Variants in TECPR1 observed in about 807,000 individuals in gnomAD.
The protein encoded by TECPR1 is tectonin beta-propeller repeat-containing protein 1.
Under a neutral mutation model 162.4 loss-of-function variants are expected in TECPR1, and 122 were observed. That is an observed-to-expected ratio of 0.75 (90% CI 0.65 to 0.87). The LOEUF (loss-of-function observed/expected upper bound fraction) is 0.87. TECPR1 is among the 40% of genes least tolerant of loss of function. The pLI is 0.00. For synonymous variants in TECPR1, 642 were observed against 670.6 expected (o/e 0.96, Z 0.66); for missense variants, 1,432 against 1,618.2 (o/e 0.88, Z 1.97).
At chr7:98,228,403 C>T in intron 16 of TECPR1, 1 of 402,082 alleles carries the variant, frequency 2.5e-6, no homozygotes, top group South Asian at 2.5e-5. Context: ...CCCACCTTGC[C>T]CTCCTACTTA....
intron 24 of TECPR1, 22 bp downstream of exon 24, chr7:98,217,914 G>C (rs769713156): frequency 6.5e-7 from 1 of 1,544,618 alleles, no homozygotes; most frequent in South Asian, 1.2e-5. Context: ...CCAAGTGCCC[G>C]ATACCCCCTG....
At chr7:98,249,098 AG>A (rs373410356) in intron 2 of TECPR1, among the ~76,000 whole-genome samples, 190 of 152,172 alleles carry the variant, frequency 1.2e-3, no homozygotes, top group African/African-American at 4.5e-3. Context: ...CACTTTGGCC[AG>A]GCTGGTCTCG....
intron 10 of TECPR1, among the ~76,000 whole-genome samples, chr7:98,234,887 A>G (rs1013397138): frequency 1.3e-5 from 2 of 151,582 alleles, no homozygotes; most frequent in African/African-American, 4.8e-5. Context: ...ATTTTTTAAA[A>G]AATTCTTGTA....
intron 21 of TECPR1, 31 bp from the exon 22 acceptor site, chr7:98,222,552 ACCAGGGCCCCCACCC>A (rs1313618193): frequency 6.4e-7 from 1 of 1,550,516 alleles, no homozygotes; most frequent in East Asian, 2.4e-5. Flanking sequence ...CGCTGAGGTC[ACCAGGGCCCCCACCC>A]CCAGGGCCCC....
In TECPR1 at chr7:98,230,951, G is replaced by T. The variant is rs776635068; in HGVS notation, c.2282+10C>A. On this transcript the variant is annotated intron_variant, in intron 15 of 25. Transcript: ENST00000447648. Reference sequence around the variant, plus strand: ...GGCCCCAGACCCCACCCAGAGTGCGGCTCACTCACATCTGGTCGCAGGGCA... The same window carrying T: ...GGCCCCAGACCCCACCCAGAGTGCGTCTCACTCACATCTGGTCGCAGGGCA... 2 of 1,608,224 alleles carry T rather than the reference G, an allele frequency of 1.2e-6. No homozygotes were observed. The highest frequency in any genetic ancestry group is 1.3e-5 in the African/African-American group (1 of 74,908).
Position 98,236,802 on chromosome 7 carries a change from G to T in TECPR1, c.1155C>A (p.His385Gln). 1 of 1,591,498 alleles carries T rather than the reference G, an allele frequency of 6.3e-7. No homozygotes were observed. The part of the protein sequence containing the change: ...IIAARECDRS[H>Q]SGSSSSLLSA... The stretch of plus-strand genomic sequence containing the variant: ...TGAGGAGACTAGACGAGCTGCCAGA[G>T]TGTGACCGGTCACACTCTCGGGCCG... The change falls in exon 10 of 26, where the codon CAC becomes CAA. Residue 385 changes from histidine to glutamine, a missense_variant. Coordinates refer to ENST00000447648, the MANE Select transcript of TECPR1 (RefSeq NM_015395.3).
chr7:98,231,394 C>T lies in TECPR1; in HGVS notation c.1975-21G>A, dbSNP rs779315146. ...ATGTACTGTTCACAGAACAGGCGCC[C>T]GGCAGGGCTGTCACCCAGGGCAGGA... On this transcript the variant is annotated intron_variant, in intron 13 of 25. Coordinates refer to ENST00000447648, the MANE Select transcript of TECPR1 (RefSeq NM_015395.3). 11 of 1,575,428 alleles carry T rather than the reference C, an allele frequency of 7.0e-6. No individual in the cohort carries two copies. The South Asian group carries it at 1.0e-4, about 15-fold the overall frequency.
At chr7:98,247,006 T>C (rs1249378232) in intron 2 of TECPR1, among the ~76,000 whole-genome samples, 1 of 151,590 alleles carries the variant, frequency 6.6e-6, no homozygotes, top group Non-Finnish European at 1.5e-5. Flanking sequence ...GGCACAGTAG[T>C]GTGTGCCTGT....
In TECPR1 at chr7:98,232,712, G is replaced by C. The variant is rs1798476278; in HGVS notation, c.1818+115C>G. On this transcript the variant is annotated intron_variant, in intron 12 of 25. Transcript: ENST00000447648. This position sits in a 1 kb window ranked among gnomAD's most constrained non-coding sequence, Gnocchi z 4.6. The stretch of plus-strand genomic sequence containing the variant: ...TCTCTATGCCTGCATCTGGGCGGGA[G>C]ACCAGGGGATGGAGGCATCTATCTG... The C allele has an allele frequency of 7.6e-7, 1 of 1,318,322 alleles. No homozygotes were observed. Among genetic ancestry groups the C allele is most frequent in the Non-Finnish European group, 1.0e-6 (1 of 992,982 alleles). 81.7% of individuals were successfully genotyped at this position (1,318,322 alleles called of 1,614,324 possible). A position where few individuals can be genotyped will look rare whatever the true frequency, so the allele number is the denominator to read the frequency against.
At position 98,231,786 on chromosome 7, in the gene TECPR1, T is replaced by G; in HGVS notation, c.1974+18A>C. ...GTGTCCCCTCCCTGGCCCCATCTCC[T>G]GTGGGACCCGTGGGCACCTTCTTCT... On this transcript the variant is annotated intron_variant, in intron 13 of 25. Coordinates refer to ENST00000447648, the MANE Select transcript of TECPR1 (RefSeq NM_015395.3). 1 of 1,606,416 alleles carries G rather than the reference T, an allele frequency of 6.2e-7. No homozygotes were observed. Among genetic ancestry groups the G allele is most frequent in the Non-Finnish European group, 8.5e-7 (1 of 1,175,672 alleles).
At chr7:98,246,269 TC>T (rs1798907180) in intron 2 of TECPR1, 104 bp from the exon 3 acceptor site, 2 of 659,972 alleles carry the variant, frequency 3.0e-6, no homozygotes, top group Non-Finnish European at 4.8e-6. Flanking sequence ...ATTCTTTTTC[TC>T]TTTTTTTTTT....
At chr7:98,233,303 G>A in intron 11 of TECPR1, 118 bp downstream of exon 11, 3 of 1,277,574 alleles carry the variant, frequency 2.3e-6, no homozygotes, top group Non-Finnish European at 2.0e-6. Context: ...AGCACAGTGA[G>A]GCGTCCAGGG....
Position 98,233,646 on chromosome 7 carries a change from C to A in TECPR1, c.1447G>T (p.Ala483Ser). ...NTHPGPAPTP[A>S]ELPWTNIDLK... ...TCAATATTGGTCCAGGGCAGCTCGG[C>A]CGGGGTGGGGGCCGGGCCGGGGTGC... Residue 483 changes from alanine to serine, a missense_variant, in exon 11 of 26, where the codon GCC (alanine) becomes TCC (serine). Transcript: ENST00000447648. The A allele has an allele frequency of 6.3e-7, 1 of 1,591,476 alleles. No individual in the cohort carries two copies. Among genetic ancestry groups the A allele is most frequent in the Non-Finnish European group, 8.6e-7 (1 of 1,167,558 alleles).
chr7:98,230,255 C>G (rs547632871), intron 15 of TECPR1, among the ~76,000 whole-genome samples: 1 of 152,082 alleles, frequency 6.6e-6, no homozygotes, highest in African/African-American at 2.4e-5. Flanking sequence ...ATCCTCCTAC[C>G]TCAGCCTCCC....
chr7:98,220,778 G>A (rs572690806), intron 23 of TECPR1, among the ~76,000 whole-genome samples: 31 of 151,920 alleles, frequency 2.0e-4, no homozygotes, highest in African/African-American at 3.6e-4. Flanking sequence ...GGATGGTCTC[G>A]ATTTCCTGAC....
intron 20 of TECPR1, 33 bp from the exon 21 acceptor site, chr7:98,223,203 C>T (rs746593306): frequency 3.2e-6 from 5 of 1,551,396 alleles, no homozygotes; most frequent in Non-Finnish European, 3.5e-6. Flanking sequence ...AGCCCAGGGA[C>T]CCCAAGGTGA....
chr7:98,239,838 C>G (rs926420412), intron 8 of TECPR1, among the ~76,000 whole-genome samples: 3 of 152,160 alleles, frequency 2.0e-5, no homozygotes, highest in Admixed American at 6.5e-5. Flanking sequence ...TGGCCAGGCA[C>G]GGTGGCTCAT....
At chr7:98,227,987 T>C (rs749574465) in intron 17 of TECPR1, 27 bp downstream of exon 17, 1 of 1,584,734 alleles carries the variant, frequency 6.3e-7, no homozygotes, top group Admixed American at 1.7e-5. Context: ...CCAGGCAGCA[T>C]CCTGGCCGGG....
intron 20 of TECPR1, 140 bp from the exon 21 acceptor site, chr7:98,223,310 C>T (rs1240661659): frequency 1.4e-5 from 11 of 760,502 alleles, no homozygotes; most frequent in Admixed American, 3.0e-5. Flanking sequence ...GGCCTCCTCC[C>T]CACCCCCACC....
Sources: gnomAD v4.1 joint callset for allele counts (sites outside exome capture counted in the v4.1 genomes callset) on GRCh38, gnomAD v4.1.1 for gene constraint, Gnocchi (gnomAD v3.1) non-coding constraint, MANE v1.5 for transcripts, NCBI Gene and HGNC (gene_info 2026-07-23, HGNC 2026-07-21) for gene names.